The following NAV1 variants were observed in gnomAD, a reference collection of about 807,000 sequenced individuals.
NAV1 encodes neuron navigator 1, also known as pore membrane and/or filament interacting like protein 3.
In NAV1, 18 loss-of-function variants were observed where a neutral mutation model predicts 175.2. That is an observed-to-expected ratio of 0.10 (90% CI 0.07 to 0.15). NAV1 has a LOEUF of 0.15. Ranked by LOEUF, NAV1 falls within the 10% of genes least tolerant of loss-of-function variation. The pLI, the probability that NAV1 is intolerant of heterozygous loss-of-function variation, is 1.00. For missense variants in NAV1, 1,731 were observed against 2,436.6 expected, an observed-to-expected ratio of 0.71 and a Z score of 6.10; for synonymous variants, 897 against 978.7, an observed-to-expected ratio of 0.92 and a Z score of 1.56.
upstream of NAV1, among the ~76,000 whole-genome samples, chr1:201,647,863 T>C (rs920537838): frequency 7.2e-5 from 11 of 151,874 alleles, no homozygotes; most frequent in East Asian, 2.1e-3. Flanking sequence ...CCTCCCTCCG[T>C]CTCTTTTACC....
Position 201,786,688 on chromosome 1 carries a change from A to T in NAV1, c.2995+111A>T, listed in dbSNP as rs114071307. On this transcript the variant is annotated intron_variant, in intron 9 of 29. Transcript: ENST00000367296. ...TCATCTCATGTTTGACTCATGCTGT[A>T]TTGGGTTGTTTCATGGTGCCTCAGT... is the stretch of plus-strand genomic sequence containing the variant. 1.7e-3 allele frequency: 1,811 copies of T among 1,077,432 alleles called. 27 individuals are homozygous for T. The African/African-American group carries it at 0.026, about 15-fold the overall frequency. The allele number at this position is 1,077,432 out of a possible 1,614,324, so 66.7% of individuals were successfully genotyped here. A position where few individuals can be genotyped will look rare whatever the true frequency, so the allele number is the denominator to read the frequency against.
At chr1:201,668,143 T>C (rs1213383966) in intron 1 of NAV1, among the ~76,000 whole-genome samples, 1 of 152,116 alleles carries the variant, frequency 6.6e-6, no homozygotes, top group Non-Finnish European at 1.5e-5. Flanking sequence ...GGGCAGAGTA[T>C]GAAGTCATAT....
intron 2 of NAV1, among the ~76,000 whole-genome samples, chr1:201,609,291 A>C (rs1030446223): frequency 4.6e-5 from 7 of 152,192 alleles, no homozygotes; most frequent in African/African-American, 1.7e-4. Flanking sequence ...TCTGGTCTGC[A>C]CCTCACAACA....
At chr1:201,806,189 C>T (rs897302408) in intron 17 of NAV1, among the ~76,000 whole-genome samples, 2 of 151,976 alleles carry the variant, frequency 1.3e-5, no homozygotes, top group Non-Finnish European at 2.9e-5. Context: ...TTCACCATCT[C>T]GGCCAGGCTA....
At chr1:201,816,164 G>A (rs1270082927) in intron 28 of NAV1, among the ~76,000 whole-genome samples, 1 of 152,114 alleles carries the variant, frequency 6.6e-6, no homozygotes, top group Non-Finnish European at 1.5e-5. Context: ...CTGAGGTCAG[G>A]AGTTCAAGAC....
At chr1:201,765,396 T>A (rs1252929256) in intron 3 of NAV1, among the ~76,000 whole-genome samples, 2 of 144,546 alleles carry the variant, frequency 1.4e-5, no homozygotes, top group African/African-American at 5.2e-5. Flanking sequence ...TTTTTTTTTT[T>A]TTTTTTTCTT....
upstream of NAV1, among the ~76,000 whole-genome samples, chr1:201,645,601 G>A (rs558468969): frequency 1.6e-4 from 24 of 152,130 alleles, no homozygotes; most frequent in Non-Finnish European, 3.4e-4. Context: ...CTAACCTACA[G>A]ACATGGGTGT....
At chr1:201,783,939 C>A in intron 7 of NAV1, 87 bp downstream of exon 11, 1 of 1,283,458 alleles carries the variant, frequency 7.8e-7, no homozygotes. Context: ...TATTTTATTG[C>A]CATTTTGTGA....
At chr1:201,671,893 C>T (rs760034187) in intron 1 of NAV1, among the ~76,000 whole-genome samples, 3 of 152,210 alleles carry the variant, frequency 2.0e-5, no homozygotes, top group Non-Finnish European at 4.4e-5. Context: ...CTCCATTTCT[C>T]CACAAGGAGC....
chr1:201,581,913 G>C (rs973794202), intron 1 of NAV1, among the ~76,000 whole-genome samples: 1 of 151,982 alleles, frequency 6.6e-6, no homozygotes. Context: ...TGGCTAACAC[G>C]GTGAAACCCC....
Position 201,804,544 on chromosome 1 carries a change from A to C in NAV1, c.3648+47A>C, listed in dbSNP as rs1434476491. ...CCCTTATTTTCTCTTTCCCTTTGCC[A>C]TACCTTCCCTATTTCCAGAGCAACT... On this transcript the variant is annotated intron_variant, in intron 17 of 29. Coordinates refer to ENST00000367296, the Ensembl canonical transcript of NAV1. The C allele has an allele frequency of 3.6e-6, 5 of 1,394,388 alleles. No homozygotes were observed. In the Admixed American group the frequency reaches 9.0e-5, roughly 25 times the overall value. 86.4% of individuals were successfully genotyped at this position (1,394,388 alleles called of 1,614,324 possible). A position where few individuals can be genotyped will look rare whatever the true frequency, so the allele number is the denominator to read the frequency against.
chr1:201,687,733 T>C (rs1034235413), intron 1 of NAV1, among the ~76,000 whole-genome samples: 1 of 152,080 alleles, frequency 6.6e-6, no homozygotes, highest in Non-Finnish European at 1.5e-5. Flanking sequence ...TGGTTCGGAG[T>C]CAACTAGGGC....
At chr1:201,763,972 C>G (rs534651388) in intron 3 of NAV1, among the ~76,000 whole-genome samples, 1 of 152,302 alleles carries the variant, frequency 6.6e-6, no homozygotes, top group East Asian at 1.9e-4. Context: ...TATTTCGCTG[C>G]CAAGTCCAAG....
exon 16 of NAV1, chr1:201,803,666 C>T (rs140796088): frequency 2.2e-5 from 35 of 1,613,404 alleles, no homozygotes; most frequent in South Asian, 1.8e-4. Context: ...ATTCCAGCAT[C>T]GGCAGCAGCA....
intron 16 of NAV1, 97 bp downstream of exon 20, chr1:201,803,811 G>A: frequency 6.8e-7 from 1 of 1,469,130 alleles, no homozygotes; most frequent in South Asian, 1.3e-5. Context: ...TAACCAAGGT[G>A]TAGTCCCGTC....
rs953953837 is a variant in NAV1, at chr1:201,812,552, C to T, written c.5112C>T (p.Asp1704=). Residue 1704 remains aspartate, a synonymous_variant, in exon 27 of 30, where the codon GAC becomes GAT. Coordinates refer to ENST00000367296, the Ensembl canonical transcript of NAV1. The surrounding 1 kb of genome is among the most constrained non-coding windows in gnomAD (Gnocchi z 4.6). The stretch of plus-strand genomic sequence containing the variant: ...GGAAGCTGGTAGAGTCAGACAGCGA[C>T]ATCAATGCCAACAAGGAAGAGCTGC... 2 of 1,614,222 alleles carry T rather than the reference C, an allele frequency of 1.2e-6. No individual in the cohort carries two copies. Among genetic ancestry groups the T allele is most frequent in the Non-Finnish European group, 1.7e-6 (2 of 1,180,034 alleles).
At position 201,787,993 on chromosome 1, in the gene NAV1, G is replaced by C. The variant is rs1472972791; in HGVS notation, c.2996-475G>C. The stretch of plus-strand genomic sequence containing the variant: ...CGCCCTTCCACAATGCCAGGGCAAC[G>C]GGATCCCGTAGCCCAGCCCCCTTCT... On this transcript the variant is annotated intron_variant, in intron 9 of 29. Coordinates refer to ENST00000367296, the Ensembl canonical transcript of NAV1. The surrounding 1 kb of genome is among the most constrained non-coding windows in gnomAD (Gnocchi z 4.3). Among the ~76,000 whole-genome samples, 1 of 152,172 alleles carries C rather than the reference G, an allele frequency of 6.6e-6. No homozygotes were observed. Among genetic ancestry groups the C allele is most frequent in the South Asian group, 2.1e-4 (1 of 4,826 alleles).
At position 201,680,501 on chromosome 1, in the gene NAV1, A is replaced by G. The variant is rs181793873; in HGVS notation, c.757+31076A>G. Among the ~76,000 whole-genome samples the G allele has an allele frequency of 1.1e-4, 17 of 152,210 alleles. No individual in the cohort carries two copies. The East Asian group carries it at 2.9e-3, about 26-fold the overall frequency. ...AGCCTGGGCAACAAGAGAGAAACTC[A>G]GTCTCAAAAAAAATAATAACAAATA... On this transcript the variant is annotated intron_variant, in intron 1 of 29. Transcript: ENST00000367296.
intron 2 of NAV1, among the ~76,000 whole-genome samples, chr1:201,591,741 C>T (rs1041282087): frequency 6.6e-6 from 1 of 152,124 alleles, no homozygotes; most frequent in Non-Finnish European, 1.5e-5. Flanking sequence ...GCATCTTCTC[C>T]CTCTCAGCGG....
Sources: gnomAD v4.1 joint callset for allele counts (sites outside exome capture counted in the v4.1 genomes callset) on GRCh38, gnomAD v4.1.1 for gene constraint, Gnocchi (gnomAD v3.1) non-coding constraint, MANE v1.5 for transcripts, NCBI Gene and HGNC (gene_info 2026-07-23, HGNC 2026-07-21) for gene names.